The following CD55 variants were observed in gnomAD, a reference collection of about 807,000 sequenced individuals.
CD55 encodes the protein CD55 molecule (Cromer blood group), also known as complement decay-accelerating factor.
CD55 carries 41 observed loss-of-function variants against 45.8 expected under a neutral mutation model. The observed-to-expected ratio is 0.90, with a 90% CI of 0.70 to 1.16. The LOEUF is 1.16. Among genes scored for constraint, CD55 ranks in the 50% most tolerant of loss-of-function variants. The pLI, the probability that CD55 is intolerant of heterozygous loss-of-function variation, is 0.00. For synonymous variants in CD55, 181 were observed against 181.1 expected (o/e 1.00, Z 0.01); for missense variants, 416 against 469.8 (o/e 0.89, Z 1.06).
intron 8 of CD55, 138 bp from the exon 9 acceptor site, chr1:207,339,259 A>G (rs1222959686): frequency 3.2e-6 from 2 of 619,662 alleles, no homozygotes; most frequent in East Asian, 5.6e-5. Flanking sequence ...TTATAAATTT[A>G]TAATTATTTC....
intron 6 of CD55, among the ~76,000 whole-genome samples, chr1:207,334,830 A>G (rs1655098499): frequency 6.6e-6 from 1 of 152,150 alleles, no homozygotes; most frequent in Non-Finnish European, 1.5e-5. Flanking sequence ...ATATAAACCC[A>G]AGTATGTCAG....
At chr1:207,333,038 C>G (rs1053707195) in intron 6 of CD55, among the ~76,000 whole-genome samples, 1 of 152,160 alleles carries the variant, frequency 6.6e-6, no homozygotes, top group Non-Finnish European at 1.5e-5. Context: ...CCCTCAAATG[C>G]AGAACCAATT....
chr1:207,352,633 T>C (rs1655912181), intron 9 of CD55, among the ~76,000 whole-genome samples: 1 of 152,168 alleles, frequency 6.6e-6, no homozygotes, highest in African/African-American at 2.4e-5. Flanking sequence ...GAGATAGAGA[T>C]TGTGATTCCT....
At position 207,321,718 on chromosome 1, in the gene CD55, G is replaced by T. The variant is rs1245609059; in HGVS notation, c.-48G>T. Reference sequence around the variant, plus strand: ...CGCTCCGGCCGCTGGGCGTAGCTGCGACTCGGCGGAGTCCCGGCGGCGCGT... The same window carrying T: ...CGCTCCGGCCGCTGGGCGTAGCTGCTACTCGGCGGAGTCCCGGCGGCGCGT... On this transcript the variant is annotated 5_prime_UTR_variant, in exon 1 of 10. Coordinates refer to ENST00000367064, the MANE Select transcript of CD55 (RefSeq NM_000574.5). 7.2e-7 allele frequency: 1 copy of T among 1,386,022 alleles called. No individual in the cohort carries two copies. The highest frequency in any genetic ancestry group is 9.6e-7 in the Non-Finnish European group (1 of 1,043,752). The allele number at this position is 1,386,022 out of a possible 1,614,324, so 85.9% of individuals were successfully genotyped here.
Position 207,331,351 on chromosome 1 carries a change from G to A in CD55, c.853+55G>A, listed in dbSNP as rs1257220286. ...TTTATTCTTACCCTCAGGTCTATAT[G>A]TGGGTTGCAGACATTCAATGAACCC... On this transcript the variant is annotated intron_variant, in intron 6 of 9. Transcript: ENST00000367064. 8.0e-6 allele frequency: 11 copies of A among 1,371,214 alleles called. No homozygotes were observed. In the African/African-American group the frequency reaches 1.5e-4, roughly 18 times the overall value. The allele number at this position is 1,371,214 out of a possible 1,614,324, so 84.9% of individuals were successfully genotyped here.
At chr1:207,347,081 GT>G in intron 9 of CD55, 1 of 456,072 alleles carries the variant, frequency 2.2e-6, no homozygotes. Context: ...AAATTCTAGT[GT>G]TCTCTCTTTG....
At chr1:207,346,829 G>A (rs1040359496) in intron 9 of CD55, among the ~76,000 whole-genome samples, 1 of 152,162 alleles carries the variant, frequency 6.6e-6, no homozygotes, top group Non-Finnish European at 1.5e-5. Flanking sequence ...ACTCTCTGGA[G>A]TAATGCCATC....
chr1:207,351,844 T>G (rs1279654048), intron 9 of CD55, among the ~76,000 whole-genome samples: 2 of 152,150 alleles, frequency 1.3e-5, no homozygotes, highest in Non-Finnish European at 2.9e-5. Context: ...AAAACTTTCC[T>G]TAGTCGGCAT....
Position 207,359,593 on chromosome 1 carries a change from A to G in CD55, c.1129A>G (p.Met377Val), listed in dbSNP as rs746580979. 16 of 1,594,608 alleles carry G rather than the reference A, an allele frequency of 1.0e-5. No individual in the cohort carries two copies. The East Asian group carries it at 1.8e-4, about 18-fold the overall frequency. The change falls in exon 10 of 10, where the codon ATG becomes GTG. Residue 377 changes from methionine to valine, a missense_variant. This residue lies in a region of CD55 where 182 missense variants were observed against 201.4 expected (regional missense o/e 0.90). Coordinates refer to ENST00000367064, the MANE Select transcript of CD55 (RefSeq NM_000574.5). ...AGGTTTGCTTGGGACGCTAGTAACC[A>G]TGGGCTTGCTGACTTAGCCAAAGAA... Reference protein sequence around the residue: ...LTGLLGTLVTMGLLT With the variant: ...LTGLLGTLVTVGLLT
chr1:207,350,417 C>T (rs895387564), intron 9 of CD55, among the ~76,000 whole-genome samples: 1 of 152,116 alleles, frequency 6.6e-6, no homozygotes, highest in Admixed American at 6.5e-5. Context: ...GGCATAGTTT[C>T]AGTATGATTG....
intron 6 of CD55, among the ~76,000 whole-genome samples, chr1:207,336,407 C>T (rs1655173630): frequency 6.6e-6 from 1 of 152,148 alleles, no homozygotes; most frequent in South Asian, 2.1e-4. Flanking sequence ...AATAAGATCA[C>T]TAGTGACTCT....
rs1654649074 is a variant in CD55, at chr1:207,325,694, C to T, written c.551C>T (p.Ala184Val). 1.9e-5 allele frequency: 31 copies of T among 1,607,852 alleles called. No homozygotes were observed. Among genetic ancestry groups the T allele is most frequent in the Non-Finnish European group, 2.6e-5 (31 of 1,175,290 alleles). ...IDVPGGILFG[A>V]TISFSCNTGY... ...GTACCAGGTGGCATATTATTTGGTG[C>T]AACCATCTCCTTCTCATGTAACACA... The change falls in exon 4 of 10, where the codon GCA becomes GTA. Residue 184 changes from alanine to valine, a missense_variant. Coordinates refer to ENST00000367064, the MANE Select transcript of CD55 (RefSeq NM_000574.5).
intron 9 of CD55, among the ~76,000 whole-genome samples, chr1:207,343,995 G>A (rs945354938): frequency 3.3e-5 from 5 of 152,070 alleles, no homozygotes; most frequent in African/African-American, 1.2e-4. Flanking sequence ...GTTTGTTTTT[G>A]GTTTGTGTTA....
chr1:207,336,724 A>C lies in CD55; in HGVS notation c.885A>C (p.Thr295=), dbSNP rs1246919038. 6.2e-7 allele frequency: 1 copy of C among 1,613,820 alleles called. No homozygotes were observed. The highest frequency in any genetic ancestry group is 8.5e-7 in the Non-Finnish European group (1 of 1,179,862). The part of the protein sequence containing the change: ...GKSLTSKVPP[T]VQKPTTVNVP... ...CTCTAACTTCCAAGGTCCCACCAAC[A>C]GTTCAGAAACCTACCACAGTAAATG... The change falls in exon 7 of 10, where the codon ACA becomes ACC. Residue 295 remains threonine, a synonymous_variant. Coordinates refer to ENST00000367064, the MANE Select transcript of CD55 (RefSeq NM_000574.5).
intron 2 of CD55, 107 bp downstream of exon 2, chr1:207,322,674 A>C (rs1654476656): frequency 1.0e-6 from 1 of 981,268 alleles, no homozygotes; most frequent in African/African-American, 1.6e-5. Context: ...TAGCGTTACT[A>C]AACCCCAGGG....
At chr1:207,349,242 G>A (rs1244016163) in intron 9 of CD55, among the ~76,000 whole-genome samples, 1 of 151,446 alleles carries the variant, frequency 6.6e-6, no homozygotes, top group Non-Finnish European at 1.5e-5. Flanking sequence ...GAGTGCAGTG[G>A]CATGATCTTG....
At chr1:207,337,593 A>G in intron 8 of CD55, 184 bp downstream of exon 8, 1 of 428,452 alleles carries the variant, frequency 2.3e-6, no homozygotes, top group Non-Finnish European at 4.1e-6. Context: ...CTTTAAAAAA[A>G]GAAACATTTA....
chr1:207,328,238 GA>G (rs1306709670), intron 5 of CD55, among the ~76,000 whole-genome samples: 2 of 152,134 alleles, frequency 1.3e-5, no homozygotes, highest in African/African-American at 4.8e-5. Context: ...TCCTCTCTGT[GA>G]CTCAGCAACC....
In CD55 at chr1:207,325,738, T is replaced by G. The variant is rs756131028; in HGVS notation, c.578+17T>G. 2 of 1,414,854 alleles carry G rather than the reference T, an allele frequency of 1.4e-6. No individual in the cohort carries two copies. The highest frequency in any genetic ancestry group is 2.3e-5 in the East Asian group (1 of 43,752). 87.6% of individuals were successfully genotyped at this position (1,414,854 alleles called of 1,614,324 possible). A position where few individuals can be genotyped will look rare whatever the true frequency, so the allele number is the denominator to read the frequency against. ...TAACACAGGGTAAGTTTGGGCATAC[T>G]AAAACCCTGTATTTAGGAAATGAGA... On this transcript the variant is annotated intron_variant, in intron 4 of 9. Coordinates refer to ENST00000367064, the MANE Select transcript of CD55 (RefSeq NM_000574.5).
Sources: allele counts gnomAD v4.1 joint callset (sites outside exome capture counted in the v4.1 genomes callset), GRCh38; gene constraint gnomAD v4.1.1; regional missense constraint gnomAD v4.1.1; transcripts MANE v1.5; gene names NCBI Gene and HGNC (gene_info 2026-07-23, HGNC 2026-07-21).